Variants in CTHRC1 observed in about 807,000 individuals in gnomAD.
CTHRC1 encodes the protein collagen triple helix repeat containing 1.
In CTHRC1, 21 loss-of-function variants were observed where a neutral mutation model predicts 25.9. The observed-to-expected ratio is 0.81, with a 90% CI of 0.57 to 1.17. The LOEUF (loss-of-function observed/expected upper bound fraction) is 1.17, where lower values mean the gene tolerates loss of function less well. Among genes scored for constraint, CTHRC1 ranks in the 50% most tolerant of loss-of-function variants. CTHRC1 has a pLI of 0.00. For synonymous variants in CTHRC1, 109 were observed against 113.1 expected (o/e 0.96, Z 0.23); for missense variants, 281 against 304.3 (o/e 0.92, Z 0.57).
chr8:103,371,807 G>T lies in CTHRC1; in HGVS notation c.150+1G>T, dbSNP rs1039714955. The T allele has an allele frequency of 7.2e-6, 11 of 1,522,504 alleles. No individual in the cohort carries two copies. In the East Asian group the frequency reaches 1.8e-4, roughly 25 times the overall value. The allele number at this position is 1,522,504 out of a possible 1,614,324, so 94.3% of individuals were successfully genotyped here. A position where few individuals can be genotyped will look rare whatever the true frequency, so the allele number is the denominator to read the frequency against. On this transcript the variant is annotated splice_donor_variant, in intron 1 of 3. Transcript: ENST00000330295. LOFTEE classifies it high-confidence loss of function. ...CCGGCAGAGGGAGGTGGTGGACCTG[G>T]TGAGTCCGAGGGAGCCGAGCCGGGA...
intron 3 of CTHRC1, among the ~76,000 whole-genome samples, chr8:103,379,603 G>A (rs1408875291): frequency 6.6e-6 from 1 of 152,128 alleles, no homozygotes; most frequent in African/African-American, 2.4e-5. Context: ...TGTACATACT[G>A]TTATATTCAT....
rs1342576113 is a variant in CTHRC1, at chr8:103,381,099, GTATTAT to G, written c.590-1349_590-1344del. Among the ~76,000 whole-genome samples the G allele has an allele frequency of 4.0e-5, 6 of 151,760 alleles. No individual in the cohort carries two copies. In the South Asian group the frequency reaches 6.2e-4, roughly 16 times the overall value. On this transcript the variant is annotated intron_variant, in intron 3 of 3. Transcript: ENST00000330295. ...GGATTCATTTTCTTTTTTTTCTTTAGTATTATTATTATTATACTTTAAGTTCTAGGG... is the reference window on the plus strand; with the variant it reads ...GGATTCATTTTCTTTTTTTTCTTTAGTATTATTATACTTTAAGTTCTAGGG...
intron 1 of CTHRC1, among the ~76,000 whole-genome samples, chr8:103,374,542 C>G (rs1815771114): frequency 1.3e-5 from 2 of 152,198 alleles, no homozygotes; most frequent in Non-Finnish European, 2.9e-5. Flanking sequence ...ACCTTTACCA[C>G]TGATCATACA....
chr8:103,378,333 T>C (rs1159070799), intron 3 of CTHRC1, 90 bp downstream of exon 3: 4 of 1,033,796 alleles, frequency 3.9e-6, no homozygotes, highest in African/African-American at 3.2e-5. Flanking sequence ...ACTAGCCTAC[T>C]GTAAAGGGAC....
chr8:103,381,684 A>T (rs1474428551), intron 3 of CTHRC1, among the ~76,000 whole-genome samples: 2 of 152,102 alleles, frequency 1.3e-5, no homozygotes, highest in Non-Finnish European at 2.9e-5. Flanking sequence ...ATTATGTAGA[A>T]TTTCTTTTAA....
At chr8:103,375,305 A>C (rs905287835) in intron 1 of CTHRC1, among the ~76,000 whole-genome samples, 1 of 152,216 alleles carries the variant, frequency 6.6e-6, no homozygotes, top group Admixed American at 6.5e-5. Context: ...TAATATTCAT[A>C]ATAAAAAAAG....
At chr8:103,381,911 T>C (rs2687348) in intron 3 of CTHRC1, among the ~76,000 whole-genome samples, 78,734 of 151,640 alleles carry the variant, frequency 0.52, 20,737 homozygotes, top group East Asian at 0.65. Flanking sequence ...GACAGGAAAA[T>C]TGCTTGAACG....
At chr8:103,379,433 T>C (rs1314772427) in intron 3 of CTHRC1, among the ~76,000 whole-genome samples, 3 of 151,464 alleles carry the variant, frequency 2.0e-5, no homozygotes, top group African/African-American at 7.3e-5. Context: ...TATTTTAAGA[T>C]TCATTAAAGA....
chr8:103,371,663 C>T lies in CTHRC1; in HGVS notation c.7C>T (p.Pro3Ser). The change falls in exon 1 of 4, where the codon CCC becomes TCC. Residue 3 changes from proline to serine, a missense_variant. Physicochemically the swap from Pro to Ser is moderately conservative, Grantham distance 74 (BLOSUM62 -1). Coordinates refer to ENST00000330295, the MANE Select transcript of CTHRC1 (RefSeq NM_138455.4). ...TGCCCGGCAGCCGGGAGCCATGCGACCCCAGGGCCCCGCCGCCTCCCCGCA... is the reference window on the plus strand; with the variant it reads ...TGCCCGGCAGCCGGGAGCCATGCGATCCCAGGGCCCCGCCGCCTCCCCGCA... MR[P>S]QGPAASPQRL... is the part of the protein sequence containing the mutation. 1 of 1,533,792 alleles carries T rather than the reference C, an allele frequency of 6.5e-7. No individual in the cohort carries two copies. The highest frequency in any genetic ancestry group is 8.8e-7 in the Non-Finnish European group (1 of 1,141,444).
At chr8:103,372,740 G>C in intron 1 of CTHRC1, 1 of 1,196,918 alleles carries the variant, frequency 8.4e-7, no homozygotes, top group Non-Finnish European at 1.2e-6. Context: ...TGTGGTATGA[G>C]GGAGCCTTTC....
Position 103,375,955 on chromosome 8 carries a change from T to C in CTHRC1, c.368T>C (p.Ile123Thr). 1.2e-6 allele frequency: 2 copies of C among 1,610,508 alleles called. No homozygotes were observed. The highest frequency in any genetic ancestry group is 2.2e-5 in the East Asian group (1 of 44,860). The part of the protein sequence containing the change: ...SLNYGIDLGK[I>T]AECTFTKMRS... Reference sequence around the variant, plus strand: ...AATTATGGCATAGATCTTGGGAAAATTGCGGTAAGTTTGAATTATTTTAAA... The same window carrying C: ...AATTATGGCATAGATCTTGGGAAAACTGCGGTAAGTTTGAATTATTTTAAA... The change falls in exon 2 of 4, where the codon ATT becomes ACT. Residue 123 changes from isoleucine (I) to threonine (T), a missense_variant. By Grantham distance (89) the Ile-to-Thr change is moderately conservative. Coordinates refer to ENST00000330295, the MANE Select transcript of CTHRC1 (RefSeq NM_138455.4).
chr8:103,381,780 C>T (rs1395939366), intron 3 of CTHRC1, among the ~76,000 whole-genome samples: 1 of 152,082 alleles, frequency 6.6e-6, no homozygotes, highest in Admixed American at 6.6e-5. Context: ...GGGTAAATCA[C>T]GAGGTCAGGA....
In CTHRC1 at chr8:103,375,785, C is replaced by T. The variant is rs187299788; in HGVS notation, c.198C>T (p.Asp66=). 378 of 1,614,028 alleles carry T rather than the reference C, an allele frequency of 2.3e-4. 1 individual carries two copies. The highest frequency in any genetic ancestry group is 3.2e-4 in the Admixed American group (19 of 60,000). The stretch of plus-strand genomic sequence containing the variant: ...GGCCAGCAGGAGTGCCTGGTCGAGA[C>T]GGGAGCCCTGGGGCCAATGGCATTC... ...LQGPAGVPGR[D]GSPGANGIPG... is the part of the protein sequence containing the mutation. Residue 66 remains aspartate (D), a synonymous_variant, in exon 2 of 4, where the codon GAC becomes GAT. Transcript: ENST00000330295.
At chr8:103,380,269 C>T (rs2917547) in intron 3 of CTHRC1, among the ~76,000 whole-genome samples, 144,451 of 152,368 alleles carry the variant, frequency 0.95, 68,540 homozygotes, top group East Asian at 1. Flanking sequence ...GTCATATACA[C>T]GCATATACTT....
At chr8:103,382,326 C>G (rs1308358228) in intron 3 of CTHRC1, 132 bp from the exon 4 acceptor site, 4 of 841,852 alleles carry the variant, frequency 4.8e-6, no homozygotes, top group Non-Finnish European at 7.7e-6. Context: ...AAAACCTTAT[C>G]AAGTATTAAA....
Position 103,375,880 on chromosome 8 carries a change from T to C in CTHRC1, c.293T>C (p.Phe98Ser). 6.2e-7 allele frequency: 1 copy of C among 1,614,106 alleles called. No homozygotes were observed. Among genetic ancestry groups the C allele is most frequent in the Non-Finnish European group, 8.5e-7 (1 of 1,180,022 alleles). The change falls in exon 2 of 4, where the codon TTT (phenylalanine) becomes TCT (serine). Residue 98 changes from phenylalanine (F) to serine (S), a missense_variant. Phe to Ser is a radical substitution (Grantham distance 155). Coordinates refer to ENST00000330295, the MANE Select transcript of CTHRC1 (RefSeq NM_138455.4). ...AAGGGGGAATGTCTGAGGGAAAGCTTTGAGGAGTCCTGGACACCCAACTAC... is the reference window on the plus strand; with the variant it reads ...AAGGGGGAATGTCTGAGGGAAAGCTCTGAGGAGTCCTGGACACCCAACTAC... ...GEKGECLRES[F>S]EESWTPNYKQ... is the part of the protein sequence containing the mutation.
chr8:103,381,990 T>G (rs1815919934), intron 3 of CTHRC1, among the ~76,000 whole-genome samples: 1 of 150,390 alleles, frequency 6.6e-6, no homozygotes, highest in African/African-American at 2.5e-5. Context: ...AGAGCGAGAT[T>G]CCATCTCAAA....
At chr8:103,372,290 C>A in intron 1 of CTHRC1, 1 of 566,608 alleles carries the variant, frequency 1.8e-6, no homozygotes, top group Non-Finnish European at 2.8e-6. Context: ...CGTCTGCCTG[C>A]GAGAGAGAAT....
intron 3 of CTHRC1, 43 bp downstream of exon 3, chr8:103,378,286 G>C (rs1240263809): frequency 6.6e-7 from 1 of 1,517,180 alleles, no homozygotes; most frequent in Non-Finnish European, 9.1e-7. Flanking sequence ...TCAGATCTAA[G>C]TAAGATTAGT....
Sources: gnomAD v4.1 joint callset for allele counts (sites outside exome capture counted in the v4.1 genomes callset) on GRCh38, gnomAD v4.1.1 for gene constraint, MANE v1.5 for transcripts, NCBI Gene and HGNC (gene_info 2026-07-23, HGNC 2026-07-21) for gene names.